Variants in CNKSR3 observed in about 807,000 individuals in gnomAD.
CNKSR3 encodes connector enhancer of kinase suppressor of ras 3.
CNKSR3 carries 36 observed loss-of-function variants against 67.7 expected under a neutral mutation model. The ratio of observed to expected loss-of-function variants is 0.53; its 90% CI spans 0.41 to 0.70. The LOEUF (loss-of-function observed/expected upper bound fraction) is 0.70. Ranked by LOEUF, CNKSR3 falls within the 30% of genes least tolerant of loss-of-function variation. The probability of loss-of-function intolerance (pLI) is 0.00; values close to 1 mark genes in which losing one functional copy is unlikely to be tolerated. For missense variants in CNKSR3, 630 were observed against 695.2 expected (o/e 0.91, Z 1.05); for synonymous variants, 281 against 271.4 (o/e 1.04, Z -0.35).
intron 1 of CNKSR3, among the ~76,000 whole-genome samples, chr6:154,477,032 C>A (rs914560970): frequency 1.3e-5 from 2 of 152,160 alleles, no homozygotes; most frequent in African/African-American, 4.8e-5. Context: ...ACTTTCTTAT[C>A]TTCTTTTAAC....
At chr6:154,468,433 C>CACACA (rs1554236177) in intron 1 of CNKSR3, among the ~76,000 whole-genome samples, 11 of 145,524 alleles carry the variant, frequency 7.6e-5, no homozygotes, top group South Asian at 2.2e-4. Flanking sequence ...CACACACACA[C>CACACA]CATGACCATC....
chr6:154,412,461 C>G (rs1267117300), intron 10 of CNKSR3, among the ~76,000 whole-genome samples: 1 of 152,128 alleles, frequency 6.6e-6, no homozygotes, highest in Non-Finnish European at 1.5e-5. Flanking sequence ...GGAACCCAGA[C>G]AAGAATATTC....
chr6:154,433,307 T>C (rs1474119910), intron 5 of CNKSR3, among the ~76,000 whole-genome samples, 159 bp downstream of exon 5: 1 of 152,210 alleles, frequency 6.6e-6, no homozygotes. Context: ...TTAAATAACT[T>C]TTATGCTTTC....
chr6:154,471,290 C>T (rs532579534), intron 1 of CNKSR3, among the ~76,000 whole-genome samples: 12 of 152,278 alleles, frequency 7.9e-5, no homozygotes, highest in Admixed American at 1.3e-4. Flanking sequence ...CATGAATGCA[C>T]ACTTTGGGAG....
intron 9 of CNKSR3, among the ~76,000 whole-genome samples, chr6:154,416,118 C>G (rs1380665796): frequency 2.0e-5 from 3 of 151,296 alleles, no homozygotes; most frequent in African/African-American, 7.3e-5. Flanking sequence ...CCGTCTCTAC[C>G]AAAAAAAACA....
At chr6:154,452,186 A>G (rs190970650) in intron 1 of CNKSR3, among the ~76,000 whole-genome samples, 8 of 152,230 alleles carry the variant, frequency 5.3e-5, no homozygotes, top group Non-Finnish European at 1.0e-4. Context: ...TAACCTGTCC[A>G]CAGTCATACA....
intron 9 of CNKSR3, 194 bp from the exon 10 acceptor site, chr6:154,414,617 T>A: frequency 1.5e-6 from 1 of 664,686 alleles, no homozygotes; most frequent in South Asian, 1.5e-5. Context: ...CTGAGGGATT[T>A]GAATGACGAT....
chr6:154,444,826 C>CA (rs1282587728), intron 2 of CNKSR3, among the ~76,000 whole-genome samples: 3 of 152,034 alleles, frequency 2.0e-5, no homozygotes, highest in African/African-American at 7.2e-5. Context: ...AGGGTGGTCT[C>CA]AATCTCCTGA....
chr6:154,497,898 A>G (rs1786910426), intron 1 of CNKSR3, among the ~76,000 whole-genome samples: 1 of 152,210 alleles, frequency 6.6e-6, no homozygotes, highest in South Asian at 2.1e-4. Flanking sequence ...TAATTTACGT[A>G]GGACCCCACT....
chr6:154,485,531 T>C (rs531013664), intron 1 of CNKSR3, among the ~76,000 whole-genome samples: 44 of 152,356 alleles, frequency 2.9e-4, no homozygotes, highest in Admixed American at 1.1e-3. Flanking sequence ...ACTTTTAAGT[T>C]TTTTATTTAA....
chr6:154,503,870 T>C (rs1787044434), intron 1 of CNKSR3, among the ~76,000 whole-genome samples: 1 of 152,304 alleles, frequency 6.6e-6, no homozygotes, highest in African/African-American at 2.4e-5. Context: ...CTGGAGTACA[T>C]ACCAGACCAG....
At chr6:154,441,242 C>CAAAAAAAAAAAAAAAAAAAAAAAAGA in intron 4 of CNKSR3, 50 bp downstream of exon 4, 1 of 843,778 alleles carries the variant, frequency 1.2e-6, no homozygotes, top group Non-Finnish European at 1.8e-6. Context: ...AGAGGAAAAG[C>CAAAAAAAAAAAAAAAAAAAAAAAAGA]AAAAAAAAAA....
At chr6:154,499,051 G>A (rs904976367) in intron 1 of CNKSR3, among the ~76,000 whole-genome samples, 3 of 152,282 alleles carry the variant, frequency 2.0e-5, no homozygotes, top group African/African-American at 7.2e-5. Flanking sequence ...TTCCTGGGCT[G>A]AGCACTCACA....
At chr6:154,410,219 G>C (rs75337237) in intron 12 of CNKSR3, 124 bp downstream of exon 12, 17,108 of 610,188 alleles carry the variant, frequency 0.028, 358 homozygotes, top group Non-Finnish European at 0.035. Flanking sequence ...TGAGAAAACG[G>C]GACTCAGAAA....
intron 5 of CNKSR3, among the ~76,000 whole-genome samples, chr6:154,432,802 A>G (rs1785395102): frequency 6.6e-6 from 1 of 152,252 alleles, no homozygotes; most frequent in Admixed American, 6.5e-5. Context: ...TTCCCCAATC[A>G]GACTCATCTA....
intron 1 of CNKSR3, 125 bp from the exon 2 acceptor site, chr6:154,450,383 T>C (rs1785802759): frequency 1.0e-6 from 1 of 984,904 alleles, no homozygotes; most frequent in South Asian, 1.6e-5. Context: ...TGGTTATCTA[T>C]GTGAGGCCTA....
In CNKSR3 at chr6:154,398,208, G is replaced by T. The variant is rs1784680987; in HGVS notation, c.*8146C>A. ...CGAGACTTACGGCCAATCTGAAATA[G>T]ATTCTATTCATGAAAGTCCTTCCAG... On this transcript the variant is annotated 3_prime_UTR_variant, in exon 13 of 13. Transcript: ENST00000607772. The T allele has an allele frequency of 6.6e-6, 1 of 152,228 alleles. No homozygotes were observed. Among genetic ancestry groups the T allele is most frequent in the Non-Finnish European group, 1.5e-5 (1 of 68,042 alleles). 9.4% of individuals were successfully genotyped at this position (152,228 alleles called of 1,614,324 possible).
At chr6:154,444,365 A>G (rs918587675) in intron 2 of CNKSR3, among the ~76,000 whole-genome samples, 10 of 152,310 alleles carry the variant, frequency 6.6e-5, no homozygotes, top group Middle Eastern at 3.4e-3. Flanking sequence ...AAAGCTCATC[A>G]GCGGTAGTGC....
At chr6:154,481,594 C>G (rs1207973656) in intron 1 of CNKSR3, among the ~76,000 whole-genome samples, 1 of 152,148 alleles carries the variant, frequency 6.6e-6, no homozygotes, top group Non-Finnish European at 1.5e-5. Flanking sequence ...GGAACACAGG[C>G]ACATGCTGCC....
Sources: allele counts gnomAD v4.1 joint callset (sites outside exome capture counted in the v4.1 genomes callset), GRCh38; gene constraint gnomAD v4.1.1; transcripts MANE v1.5; gene names NCBI Gene and HGNC (gene_info 2026-07-23, HGNC 2026-07-21).